The following CACFD1 variants were observed in gnomAD, a reference collection of about 807,000 sequenced individuals.
CACFD1 encodes calcium channel flower homolog.
A neutral mutation model predicts 21.3 loss-of-function variants in CACFD1; 26 were observed. The observed-to-expected ratio is 1.22, with a 90% CI of 0.89 to 1.69. The LOEUF (loss-of-function observed/expected upper bound fraction) is 1.69, where lower values mean the gene tolerates loss of function less well. Ranked by LOEUF, CACFD1 falls within the 40% of genes most tolerant of loss-of-function variation. The pLI is 0.00. For synonymous variants in CACFD1, 121 were observed against 106.6 expected (o/e 1.13, Z -0.83); for missense variants, 265 against 236.2 (o/e 1.12, Z -0.80).
chr9:133,468,829 G>A lies in CACFD1; in HGVS notation c.*176G>A. 3 of 1,140,680 alleles carry A rather than the reference G, an allele frequency of 2.6e-6. No homozygotes were observed. The highest frequency in any genetic ancestry group is 3.6e-6 in the Non-Finnish European group (3 of 834,324). 70.7% of individuals were successfully genotyped at this position (1,140,680 alleles called of 1,614,324 possible). A position where few individuals can be genotyped will look rare whatever the true frequency, so the allele number is the denominator to read the frequency against. On this transcript the variant is annotated 3_prime_UTR_variant, in exon 5 of 5. Transcript: ENST00000316948. The stretch of plus-strand genomic sequence containing the variant: ...CTTAAGCCAGGAGCCACTGGCTGCT[G>A]GTGTGAGGGTCTGGGCTGCTGGACT...
In CACFD1 at chr9:133,460,085, G is replaced by T. The variant is rs782030947; in HGVS notation, c.19G>T (p.Ala7Ser). ...TGGCACCATGAGCAGCTCAGGTGGG[G>T]CGCCCGGGGCGTCCGCCAGCTCTGC... is the stretch of plus-strand genomic sequence containing the variant. MSSSGG[A>S]PGASASSAPP... The change falls in exon 1 of 5, where the codon GCG becomes TCG. Residue 7 changes from alanine to serine, a missense_variant. By Grantham distance (99) the Ala-to-Ser change is moderately conservative. Transcript: ENST00000316948. 5.8e-6 allele frequency: 9 copies of T among 1,562,856 alleles called. No individual in the cohort carries two copies. The East Asian group carries it at 1.9e-4, about 33-fold the overall frequency.
At chr9:133,460,216 G>GC in intron 1 of CACFD1, 29 bp downstream of exon 1, 1 of 1,501,624 alleles carries the variant, frequency 6.7e-7, no homozygotes, top group Non-Finnish European at 8.9e-7. Flanking sequence ...AGAGGGGCCG[G>GC]CCCCGCCGCG....
intron 2 of CACFD1, chr9:133,464,951 G>A (rs886121292): frequency 3.5e-5 from 7 of 199,638 alleles, no homozygotes; most frequent in Non-Finnish European, 7.2e-5. Flanking sequence ...GGACACAGCT[G>A]CCAGTGCTCC....
At chr9:133,467,860 C>T (rs1843499789) in intron 3 of CACFD1, 61 bp from the exon 4 acceptor site, 18 of 1,230,408 alleles carry the variant, frequency 1.5e-5, no homozygotes, top group East Asian at 4.7e-5. Flanking sequence ...GTCTGGGAAG[C>T]GGGGAAGGAT....
rs587751094 is a variant in CACFD1, at chr9:133,468,405, G to A, written c.429-158G>A. ...AGGGAGCCTGGGCCATTCTCAGAGG[G>A]GACAAGACAGGCCTTTGCCACCCCA... On this transcript the variant is annotated intron_variant, in intron 4 of 4. Coordinates refer to ENST00000316948, the MANE Select transcript of CACFD1 (RefSeq NM_017586.5). 70 of 1,535,974 alleles carry A rather than the reference G, an allele frequency of 4.6e-5. No homozygotes were observed. In the African/African-American group the frequency reaches 8.7e-4, roughly 19 times the overall value.
Position 133,465,045 on chromosome 9 carries a change from A to G in CACFD1, c.195-277A>G. 2.3e-6 allele frequency: 1 copy of G among 430,796 alleles called. No homozygotes were observed. Among genetic ancestry groups the G allele is most frequent in the Non-Finnish European group, 4.2e-6 (1 of 238,888 alleles). 26.7% of individuals were successfully genotyped at this position (430,796 alleles called of 1,614,324 possible). The stretch of plus-strand genomic sequence containing the variant: ...CTCCATGTCACACAGGAGGAGGATA[A>G]AGGGAAGCAGAAGCCCAGGGGCTTC... On this transcript the variant is annotated intron_variant, in intron 2 of 4. Coordinates refer to ENST00000316948, the MANE Select transcript of CACFD1 (RefSeq NM_017586.5). This position sits in a 1 kb window ranked among gnomAD's most constrained non-coding sequence, Gnocchi z 5.0.
intron 1 of CACFD1, among the ~76,000 whole-genome samples, chr9:133,461,608 T>C (rs1322085504): frequency 6.6e-6 from 1 of 152,226 alleles, no homozygotes; most frequent in East Asian, 1.9e-4. Context: ...TCAGTGGCCC[T>C]GCCGACTCCC....
intron 3 of CACFD1, 25 bp from the exon 4 acceptor site, chr9:133,467,896 C>G: frequency 6.4e-7 from 1 of 1,560,992 alleles, no homozygotes; most frequent in Non-Finnish European, 8.8e-7. Flanking sequence ...CCGGAGTGCC[C>G]CCTTGACCTC....
rs1843385889 is a variant in CACFD1 at position 133,465,228 on chromosome 9, G to T, written c.195-94G>T. 3 of 1,425,998 alleles carry T rather than the reference G, an allele frequency of 2.1e-6. No homozygotes were observed. Among genetic ancestry groups the T allele is most frequent in the South Asian group, 1.2e-5 (1 of 86,956 alleles). The allele number at this position is 1,425,998 out of a possible 1,614,324, so 88.3% of individuals were successfully genotyped here. A position where few individuals can be genotyped will look rare whatever the true frequency, so the allele number is the denominator to read the frequency against. Reference sequence around the variant, plus strand: ...GGAGGGATGAGGGCAGGAGGGTGAGGGAGGTGGCATTCCTTATGGCACTGG... The same window carrying T: ...GGAGGGATGAGGGCAGGAGGGTGAGTGAGGTGGCATTCCTTATGGCACTGG... On this transcript the variant is annotated intron_variant, in intron 2 of 4. Transcript: ENST00000316948. The surrounding 1 kb of genome is among the most constrained non-coding windows in gnomAD (Gnocchi z 5.0).
chr9:133,466,724 C>G (rs1191123400), intron 3 of CACFD1, among the ~76,000 whole-genome samples: 1 of 152,226 alleles, frequency 6.6e-6, no homozygotes, highest in Admixed American at 6.5e-5. Context: ...TCCCTTGAGT[C>G]TCTCCCCCGC....
At chr9:133,464,286 G>A (rs982796292) in intron 2 of CACFD1, among the ~76,000 whole-genome samples, 12 of 152,164 alleles carry the variant, frequency 7.9e-5, no homozygotes, top group African/African-American at 2.7e-4. Flanking sequence ...GGAGAGCCTC[G>A]GGGGCCTGCT....
intron 3 of CACFD1, 27 bp from the exon 4 acceptor site, chr9:133,467,893 GC>G (rs782716501): frequency 6.5e-7 from 1 of 1,528,982 alleles, no homozygotes; most frequent in Middle Eastern, 2.3e-4. Context: ...GGGCCGGAGT[GC>G]CCCCTTGACC....
intron 2 of CACFD1, among the ~76,000 whole-genome samples, chr9:133,464,793 G>A (rs1292720618): frequency 3.3e-5 from 5 of 152,190 alleles, no homozygotes; most frequent in Non-Finnish European, 7.4e-5. Flanking sequence ...GCCTGGGGCC[G>A]GTGGCATCAG....
At chr9:133,464,359 G>A (rs1389369309) in intron 2 of CACFD1, among the ~76,000 whole-genome samples, 1 of 152,218 alleles carries the variant, frequency 6.6e-6, no homozygotes, top group Non-Finnish European at 1.5e-5. Flanking sequence ...TGGACAGAGA[G>A]GCGCCCAGCC....
chr9:133,461,782 T>C (rs1188667244), intron 1 of CACFD1: 4 of 800,350 alleles, frequency 5.0e-6, no homozygotes, highest in South Asian at 5.7e-5. Context: ...TTTGGGGGCA[T>C]GGTTATGTGA....
chr9:133,468,383 G>A, intron 4 of CACFD1, 180 bp from the exon 5 acceptor site: 2 of 1,535,902 alleles, frequency 1.3e-6, no homozygotes, highest in Non-Finnish European at 1.7e-6. Context: ...GCATCCCAGG[G>A]AGCCTGGGCC....
chr9:133,468,035 C>T lies in CACFD1; in HGVS notation c.428+7C>T. On this transcript the variant is annotated splice_region_variant and intron_variant, in intron 4 of 4. Transcript: ENST00000316948. The stretch of plus-strand genomic sequence containing the variant: ...TCTCTGCTCTGGGCAAAAAGTGCGT[C>T]TGCCAGGCCCAGCCCCTGGGCAGGG... 5 of 1,609,638 alleles carry T rather than the reference C, an allele frequency of 3.1e-6. No individual in the cohort carries two copies. The highest frequency in any genetic ancestry group is 4.3e-6 in the Non-Finnish European group (5 of 1,176,410).
intron 1 of CACFD1, among the ~76,000 whole-genome samples, chr9:133,461,217 C>G (rs1843201310): frequency 6.6e-6 from 1 of 152,232 alleles, no homozygotes; most frequent in African/African-American, 2.4e-5. Flanking sequence ...ACCACCTTTT[C>G]AGGGTCACCT....
rs1381029109 is a variant in CACFD1 at position 133,468,577 on chromosome 9, C to T, written c.443C>T (p.Ser148Phe). ...SALGKKGDAI[S>F]YARIQQQRQQ... ...TCTCTCCCCAGGGGCGATGCGATCT[C>T]CTATGCCAGGATCCAGCAGCAGAGG... The change falls in exon 5 of 5, where the codon TCC becomes TTC. Residue 148 changes from serine (S) to phenylalanine (F), a missense_variant. Transcript: ENST00000316948. The T allele has an allele frequency of 1.3e-6, 2 of 1,585,484 alleles. No homozygotes were observed. The highest frequency in any genetic ancestry group is 1.7e-4 in the Middle Eastern group (1 of 6,008).
Sources: gnomAD v4.1 joint callset for allele counts (sites outside exome capture counted in the v4.1 genomes callset) on GRCh38, gnomAD v4.1.1 for gene constraint, Gnocchi (gnomAD v3.1) non-coding constraint, MANE v1.5 for transcripts, NCBI Gene and HGNC (gene_info 2026-07-23, HGNC 2026-07-21) for gene names.